The following PCDHGB5 variants were observed in gnomAD, a reference collection of about 807,000 sequenced individuals.
PCDHGB5 encodes the protein protocadherin gamma-B5.
In PCDHGB5, 48 loss-of-function variants were observed where a neutral mutation model predicts 62.9. The ratio of observed to expected loss-of-function variants is 0.76; its 90% confidence interval spans 0.61 to 0.97. The LOEUF is 0.97. Ranked by LOEUF, PCDHGB5 falls within the 50% of genes least tolerant of loss-of-function variation. The pLI is 0.00. For synonymous variants in PCDHGB5, 474 were observed against 511.2 expected (o/e 0.93, Z 0.98); for missense variants, 1,118 against 1,198.6 (o/e 0.93, Z 0.99).
At position 141,487,688 on chromosome 5, in the gene PCDHGB5, G is replaced by A. The variant is rs376927186; in HGVS notation, c.2398-7119G>A. On this transcript the variant is annotated intron_variant, in intron 1 of 3. Coordinates refer to ENST00000617380, the MANE Select transcript of PCDHGB5 (RefSeq NM_018925.3). The surrounding 1 kb of genome is among the most constrained non-coding windows in gnomAD (Gnocchi z 5.0). ...AGGCATATGGCTAGGCCATGTCCTA[G>A]AGAGTACTGGCCTCTCAGTAAGTGC... 6.2e-7 allele frequency: 1 copy of A among 1,604,966 alleles called. No homozygotes were observed.
At position 141,431,641 on chromosome 5, in the gene PCDHGB5, A is replaced by G. The variant is rs772686680; in HGVS notation, c.2397+31117A>G. ...ACAAGGCGGCCCAAGTTTTCAAACT[A>G]GATTGTAATTCAGGGACAATATCAA... is the stretch of plus-strand genomic sequence containing the variant. On this transcript the variant is annotated intron_variant, in intron 1 of 3. Coordinates refer to ENST00000617380, the MANE Select transcript of PCDHGB5 (RefSeq NM_018925.3). This position sits in a 1 kb window ranked among gnomAD's most constrained non-coding sequence, Gnocchi z 4.8. The G allele has an allele frequency of 6.2e-7, 1 of 1,614,270 alleles. No individual in the cohort carries two copies. Among genetic ancestry groups the G allele is most frequent in the South Asian group, 1.1e-5 (1 of 91,092 alleles).
chr5:141,431,150 CCTTA>C lies in PCDHGB5; in HGVS notation c.2397+30630_2397+30633del, dbSNP rs1302288904. ...AGTAAGGGACATTAACGACAATGCG[CCTTA>C]CTTTCGTGAAAGTGAATTAGAAATA... On this transcript the variant is annotated intron_variant, in intron 1 of 3. Coordinates refer to ENST00000617380, the MANE Select transcript of PCDHGB5 (RefSeq NM_018925.3). The surrounding 1 kb of genome is among the most constrained non-coding windows in gnomAD (Gnocchi z 4.8). 3 of 1,614,226 alleles carry C rather than the reference CCTTA, an allele frequency of 1.9e-6. No individual in the cohort carries two copies. The highest frequency in any genetic ancestry group is 2.2e-5 in the East Asian group (1 of 44,876).
In PCDHGB5 at chr5:141,404,188, A is replaced by C. The variant is rs1001365354; in HGVS notation, c.2397+3664A>C. On this transcript the variant is annotated intron_variant, in intron 1 of 3. Transcript: ENST00000617380. Reference sequence around the variant, plus strand: ...TGTTGACGGCCCAAATTCTTGACCGAGAAAAAGCCTCAGAATATAATATCA... The same window carrying C: ...TGTTGACGGCCCAAATTCTTGACCGCGAAAAAGCCTCAGAATATAATATCA... 3.7e-6 allele frequency: 6 copies of C among 1,613,398 alleles called. No individual in the cohort carries two copies. The African/African-American group carries it at 5.3e-5, about 14-fold the overall frequency.
intron 2 of PCDHGB5, among the ~76,000 whole-genome samples, chr5:141,498,949 AAGAG>A (rs1417276243): frequency 1.3e-4 from 18 of 133,552 alleles, no homozygotes; most frequent in African/African-American, 1.9e-4. Context: ...AAGAAAGAAA[AAGAG>A]AGAGAGGGAG....
At chr5:141,470,694 A>T (rs763715272) in intron 1 of PCDHGB5, among the ~76,000 whole-genome samples, 1 of 151,978 alleles carries the variant, frequency 6.6e-6, no homozygotes, top group African/African-American at 2.4e-5. Flanking sequence ...GAAATTCTTA[A>T]TAATTTTTAT....
intron 1 of PCDHGB5, among the ~76,000 whole-genome samples, chr5:141,407,392 A>G (rs1427023659): frequency 6.6e-6 from 1 of 152,226 alleles, no homozygotes; most frequent in Non-Finnish European, 1.5e-5. Flanking sequence ...ATGTCATGGT[A>G]GGTAGTTACT....
intron 1 of PCDHGB5, chr5:141,418,211 C>T (rs752988020): frequency 1.2e-6 from 2 of 1,613,916 alleles, no homozygotes; most frequent in East Asian, 4.5e-5. Context: ...AAATATTTTT[C>T]ATGTCATTGT....
At position 141,490,155 on chromosome 5, in the gene PCDHGB5, G is replaced by A. The variant is rs753981059; in HGVS notation, c.2398-4652G>A. On this transcript the variant is annotated intron_variant, in intron 1 of 3. Transcript: ENST00000617380. This position sits in a 1 kb window ranked among gnomAD's most constrained non-coding sequence, Gnocchi z 5.4. ...CTAGCAGTGGGGCAATCCATGTGTT[G>A]GGTCCCATAGACTTTGAGGAGTCAC... 2 of 1,614,214 alleles carry A rather than the reference G, an allele frequency of 1.2e-6. No individual in the cohort carries two copies. The highest frequency in any genetic ancestry group is 1.1e-5 in the South Asian group (1 of 91,086).
chr5:141,476,055 GT>G lies in PCDHGB5; in HGVS notation c.2398-18749del. 6.7e-7 allele frequency: 1 copy of G among 1,503,516 alleles called. No homozygotes were observed. Among genetic ancestry groups the G allele is most frequent in the South Asian group, 1.3e-5 (1 of 75,386 alleles). The allele number at this position is 1,503,516 out of a possible 1,614,324, so 93.1% of individuals were successfully genotyped here. ...GCGCCCAAGCGCTAACCCGCTGAAA[GT>G]TTCTCAGCGAAATCTCAGGGACGAT... On this transcript the variant is annotated intron_variant, in intron 1 of 3. Transcript: ENST00000617380. The surrounding 1 kb of genome is among the most constrained non-coding windows in gnomAD (Gnocchi z 7.6).
chr5:141,415,044 G>T, intron 1 of PCDHGB5: 2 of 1,613,506 alleles, frequency 1.2e-6, no homozygotes, highest in East Asian at 2.2e-5. Flanking sequence ...TCTTCGCGGT[G>T]GGGGAGCACA....
At chr5:141,438,591 C>CATATATATAT (rs946798767) in intron 1 of PCDHGB5, among the ~76,000 whole-genome samples, 17 of 75,552 alleles carry the variant, frequency 2.3e-4, no homozygotes, top group Non-Finnish European at 3.8e-4. Context: ...TACATACATA[C>CATATATATAT]ATATATATAT....
intron 1 of PCDHGB5, among the ~76,000 whole-genome samples, chr5:141,467,062 T>C (rs2099136058): frequency 6.6e-6 from 1 of 151,686 alleles, no homozygotes; most frequent in South Asian, 2.1e-4. Context: ...TTTCTTTTTT[T>C]TTTTTTTTTA....
intron 1 of PCDHGB5, chr5:141,426,347 T>C (rs977411941): frequency 5.2e-6 from 1 of 193,980 alleles, no homozygotes; most frequent in African/African-American, 2.3e-5. Context: ...TTCCCTTTCC[T>C]GCTGCCTTTG....
Position 141,418,806 on chromosome 5 carries a change from C to T in PCDHGB5, c.2397+18282C>T, listed in dbSNP as rs200530054. The T allele has an allele frequency of 3.0e-5, 49 of 1,613,694 alleles. No individual in the cohort carries two copies. In the African/African-American group the frequency reaches 5.9e-4, roughly 19 times the overall value. On this transcript the variant is annotated intron_variant, in intron 1 of 3. Transcript: ENST00000617380. ...GATTTTGAAGAAGTAGAAAGATATA[C>T]GATAAACATAGAAGCAAAAGACCGA...
chr5:141,468,651 G>C (rs2099171216), intron 1 of PCDHGB5: 1 of 152,018 alleles, frequency 6.6e-6, no homozygotes, highest in African/African-American at 2.4e-5. Context: ...CGGATCACAA[G>C]GTCAGGAGAT....
chr5:141,502,491 T>G lies in PCDHGB5; in HGVS notation c.2457-2902T>G, dbSNP rs557202239. Among the ~76,000 whole-genome samples, 1,415 of 152,344 alleles carry G rather than the reference T, an allele frequency of 9.3e-3. 29 individuals carry two copies. The highest frequency in any genetic ancestry group is 0.033 in the African/African-American group (1,352 of 41,578). ...TCCCGCAGCATCACACTGGGACTCA[T>G]CTAACGTCGGCCTGTCCCACTATCA... is the stretch of plus-strand genomic sequence containing the variant. On this transcript the variant is annotated intron_variant, in intron 2 of 3. Transcript: ENST00000617380.
chr5:141,511,031 A>G lies in PCDHGB5; in HGVS notation c.2630A>G (p.Gln877Arg). 6.2e-7 allele frequency: 1 copy of G among 1,614,244 alleles called. No individual in the cohort carries two copies. The highest frequency in any genetic ancestry group is 8.5e-7 in the Non-Finnish European group (1 of 1,180,034). ...SARYGPQFTL[Q>R]HVPDYRQNVY... Reference sequence around the variant, plus strand: ...CGCTACGGACCCCAGTTCACCCTGCAGCACGTGCCCGACTACCGCCAGAAT... The same window carrying G: ...CGCTACGGACCCCAGTTCACCCTGCGGCACGTGCCCGACTACCGCCAGAAT... The change falls in exon 4 of 4, where the codon CAG (glutamine) becomes CGG (arginine). Residue 877 changes from glutamine to arginine, a missense_variant. Gln to Arg is a conservative substitution (Grantham distance 43). Coordinates refer to ENST00000617380, the MANE Select transcript of PCDHGB5 (RefSeq NM_018925.3).
Position 141,399,501 on chromosome 5 carries a change from C to T in PCDHGB5, c.1374C>T (p.Pro458=), listed in dbSNP as rs941107702. The change falls in exon 1 of 4, where the codon CCC becomes CCT. Residue 458 remains proline (P), a synonymous_variant. Coordinates refer to ENST00000617380, the MANE Select transcript of PCDHGB5 (RefSeq NM_018925.3). ...FHQASYLVSV[P]ENNPPGASIA... is the part of the protein sequence containing the mutation. The stretch of plus-strand genomic sequence containing the variant: ...AGGCGTCCTACTTAGTCAGTGTACC[C>T]GAAAACAACCCTCCTGGGGCCTCCA... 5.6e-6 allele frequency: 9 copies of T among 1,614,032 alleles called. No homozygotes were observed. Among genetic ancestry groups the T allele is most frequent in the Non-Finnish European group, 7.6e-6 (9 of 1,179,896 alleles).
intron 1 of PCDHGB5, chr5:141,419,008 G>T: frequency 6.2e-7 from 1 of 1,613,978 alleles, no homozygotes; most frequent in Non-Finnish European, 8.5e-7. Flanking sequence ...GGGAAGTCAG[G>T]TGTAGCTTAA....
Sources: allele counts gnomAD v4.1 joint callset (sites outside exome capture counted in the v4.1 genomes callset), GRCh38; gene constraint gnomAD v4.1.1; non-coding constraint Gnocchi (gnomAD v3.1); transcripts MANE v1.5; gene names NCBI Gene and HGNC (gene_info 2026-07-23, HGNC 2026-07-21).